The following FAM81B variants were observed in gnomAD, a reference collection of about 807,000 sequenced individuals.
FAM81B encodes family with sequence similarity 81 member B, also known as protein FAM81B.
In FAM81B, 60 loss-of-function variants were observed where a neutral mutation model predicts 58.7. The ratio of observed to expected loss-of-function variants is 1.02; its 90% CI spans 0.83 to 1.27. The LOEUF (loss-of-function observed/expected upper bound fraction) is 1.27, where lower values mean the gene tolerates loss of function less well. FAM81B is among the 50% of genes most tolerant of loss of function. The pLI is 0.00. For synonymous variants in FAM81B, 189 were observed against 179.6 expected (o/e 1.05, Z -0.42); for missense variants, 491 against 522.0 (o/e 0.94, Z 0.58).
intron 3 of FAM81B, among the ~76,000 whole-genome samples, chr5:95,412,216 C>G (rs1002744291): frequency 6.6e-6 from 1 of 151,980 alleles, no homozygotes; most frequent in African/African-American, 2.4e-5. Flanking sequence ...TAGCACTGCT[C>G]TTTTTGAAAT....
At chr5:95,447,797 G>A (rs1051209523) in intron 8 of FAM81B, among the ~76,000 whole-genome samples, 2 of 152,176 alleles carry the variant, frequency 1.3e-5, no homozygotes, top group Admixed American at 6.5e-5. Context: ...CCTGGAGAGT[G>A]CTTAAATCCT....
chr5:95,421,845 T>C (rs1762693574), intron 5 of FAM81B, among the ~76,000 whole-genome samples: 1 of 152,034 alleles, frequency 6.6e-6, no homozygotes, highest in African/African-American at 2.4e-5. Flanking sequence ...ACATGGAGGA[T>C]GAATTAAGCA....
intron 5 of FAM81B, chr5:95,424,044 A>G (rs1173548233): frequency 7.8e-7 from 1 of 1,289,586 alleles, no homozygotes. Context: ...CATTTCTATC[A>G]TCTAGGACCT....
chr5:95,440,389 T>A, intron 7 of FAM81B: 1 of 694,740 alleles, frequency 1.4e-6, no homozygotes. Flanking sequence ...CTGCTTCAGA[T>A]TCAATGTCAT....
intron 3 of FAM81B, among the ~76,000 whole-genome samples, chr5:95,410,594 A>G (rs1463241707): frequency 6.6e-6 from 1 of 152,200 alleles, no homozygotes; most frequent in Non-Finnish European, 1.5e-5. Context: ...ATGATCCAGC[A>G]TATATAATAG....
chr5:95,436,194 A>C (rs1464723586), intron 6 of FAM81B, among the ~76,000 whole-genome samples: 1 of 152,174 alleles, frequency 6.6e-6, no homozygotes, highest in Non-Finnish European at 1.5e-5. Context: ...AAGGTGCTCT[A>C]ATCTTAAATT....
At chr5:95,437,123 G>A (rs1231357278) in intron 7 of FAM81B, among the ~76,000 whole-genome samples, 1 of 151,944 alleles carries the variant, frequency 6.6e-6, no homozygotes, top group Non-Finnish European at 1.5e-5. Context: ...CACTTTGACT[G>A]CACAATATCT....
chr5:95,400,524 T>C, intron 3 of FAM81B, among the ~76,000 whole-genome samples: 1 of 152,094 alleles, frequency 6.6e-6, no homozygotes, highest in Non-Finnish European at 1.5e-5. Context: ...CAGTAGGACC[T>C]CACCTTAACT....
At chr5:95,443,378 A>C (rs1383639566) in intron 7 of FAM81B, among the ~76,000 whole-genome samples, 1 of 151,992 alleles carries the variant, frequency 6.6e-6, no homozygotes, top group African/African-American at 2.4e-5. Flanking sequence ...AGCCCTCATC[A>C]TCCTAGTGAG....
At chr5:95,396,207 A>G (rs565750863) in intron 3 of FAM81B, 32 bp downstream of exon 3, 1 of 1,488,400 alleles carries the variant, frequency 6.7e-7, no homozygotes, top group Non-Finnish European at 9.2e-7. Flanking sequence ...AGTTTTAACT[A>G]TTAACTGCAT....
chr5:95,404,666 G>A (rs1469002257), intron 3 of FAM81B, among the ~76,000 whole-genome samples: 1 of 152,172 alleles, frequency 6.6e-6, no homozygotes, highest in Non-Finnish European at 1.5e-5. Flanking sequence ...AGTCCAGGTA[G>A]AGAAATCAGT....
intron 1 of FAM81B, among the ~76,000 whole-genome samples, chr5:95,392,013 A>C (rs1372493296): frequency 1.3e-5 from 2 of 152,218 alleles, no homozygotes; most frequent in African/African-American, 4.8e-5. Context: ...TATATACCCA[A>C]AGGACTATAA....
At position 95,407,391 on chromosome 5, in the gene FAM81B, T is replaced by TACACACACAC. The variant is rs36079913; in HGVS notation, c.294-6547_294-6538dup. On this transcript the variant is annotated intron_variant, in intron 3 of 9. Transcript: ENST00000283357. Reference sequence around the variant, plus strand: ...GATTCCAAAAATGCCTGTTCTCTTTTACACACACACACACACACGCACACA... The same window carrying TACACACACAC: ...GATTCCAAAAATGCCTGTTCTCTTTTACACACACACACACACACACACACACACGCACACA... 6.8e-3 allele frequency among the ~76,000 whole-genome samples: 947 copies of TACACACACAC among 139,724 alleles called. 9 individuals are homozygous for TACACACACAC. The highest frequency in any genetic ancestry group is 0.011 in the Admixed American group (151 of 14,178). The allele number at this position is 139,724 out of a possible 152,430, so 91.7% of individuals were successfully genotyped here.
intron 3 of FAM81B, among the ~76,000 whole-genome samples, chr5:95,407,848 T>C (rs1383844534): frequency 1.3e-5 from 2 of 152,232 alleles, no homozygotes; most frequent in Admixed American, 6.5e-5. Flanking sequence ...TTACTGTCCA[T>C]GTTAGTTATC....
intron 8 of FAM81B, among the ~76,000 whole-genome samples, chr5:95,446,998 C>G (rs1334698523): frequency 6.6e-6 from 1 of 151,424 alleles, no homozygotes; most frequent in Non-Finnish European, 1.5e-5. Context: ...GAGTCTGACT[C>G]TCTTGGGGCC....
intron 6 of FAM81B, among the ~76,000 whole-genome samples, chr5:95,432,291 C>T (rs1176607925): frequency 6.6e-6 from 1 of 152,006 alleles, no homozygotes; most frequent in East Asian, 1.9e-4. Context: ...TGTTTGCTGA[C>T]ATTTTACTTA....
chr5:95,416,267 T>C (rs960444810), intron 4 of FAM81B, among the ~76,000 whole-genome samples: 3 of 152,254 alleles, frequency 2.0e-5, no homozygotes, highest in African/African-American at 4.8e-5. Context: ...CATTTGCAAG[T>C]TGGCTATCAA....
intron 3 of FAM81B, among the ~76,000 whole-genome samples, chr5:95,405,647 C>T (rs949800218): frequency 1.3e-4 from 20 of 152,204 alleles, no homozygotes; most frequent in African/African-American, 4.6e-4. Flanking sequence ...GGCTGTGCTC[C>T]TCAAAAGTCC....
chr5:95,425,462 A>G (rs1762799521), intron 5 of FAM81B, among the ~76,000 whole-genome samples: 1 of 152,220 alleles, frequency 6.6e-6, no homozygotes, highest in Non-Finnish European at 1.5e-5. Context: ...TCTGAAAGAA[A>G]GAAAAAAAAT....
Sources: allele counts gnomAD v4.1 joint callset (sites outside exome capture counted in the v4.1 genomes callset), GRCh38; gene constraint gnomAD v4.1.1; transcripts MANE v1.5; gene names NCBI Gene and HGNC (gene_info 2026-07-23, HGNC 2026-07-21).